AGBL1: variants seen among roughly 807,000 people sequenced by gnomAD.
AGBL1 encodes cytosolic carboxypeptidase 4.
In AGBL1, 130 loss-of-function variants were observed where a neutral mutation model predicts 118.9. The observed-to-expected ratio is 1.09, with a 90% CI of 0.95 to 1.26. The LOEUF is 1.26. AGBL1 is among the 50% of genes most tolerant of loss of function. The pLI is 0.00. For missense variants in AGBL1, 1,584 were observed against 1,298.1 expected, an observed-to-expected ratio of 1.22 and a Z score of -3.38; for synonymous variants, 555 against 478.9, an observed-to-expected ratio of 1.16 and a Z score of -2.08.
At chr15:86,978,363 T>A (rs1191984657) in intron 23 of AGBL1, among the ~76,000 whole-genome samples, 1 of 152,162 alleles carries the variant, frequency 6.6e-6, no homozygotes, top group African/African-American at 2.4e-5. Flanking sequence ...CATATATTAG[T>A]GATGGTCATA....
intron 22 of AGBL1, among the ~76,000 whole-genome samples, chr15:86,905,269 G>A (rs942469099): frequency 6.6e-6 from 1 of 152,206 alleles, no homozygotes; most frequent in Non-Finnish European, 1.5e-5. Flanking sequence ...AGGATGCAAG[G>A]CAGGACATTA....
At chr15:86,659,840 G>C (rs1310151334) in intron 21 of AGBL1, among the ~76,000 whole-genome samples, 1 of 152,140 alleles carries the variant, frequency 6.6e-6, no homozygotes, top group African/African-American at 2.4e-5. Flanking sequence ...TCCCTCCTGA[G>C]CACTTGGGCA....
Position 86,158,952 on chromosome 15 carries a change from G to A in AGBL1, c.414G>A (p.Leu138=), listed in dbSNP as rs917111125. The change falls in exon 5 of 23, where the codon CTG becomes CTA. Residue 138 remains leucine, a synonymous_variant. Transcript: ENST00000614907. ...TCTTAGTCTCCATGGGAGCCATGCT[G>A]GGAATTAATGGAGCCATGGAACTGC... is the stretch of plus-strand genomic sequence containing the variant. ...FASSVSMGAM[L]GINGAMELLF... The A allele has an allele frequency of 3.7e-6, 6 of 1,613,300 alleles. No individual in the cohort carries two copies. The South Asian group carries it at 5.5e-5, about 15-fold the overall frequency.
At chr15:86,496,462 A>G (rs1014642343) in intron 18 of AGBL1, among the ~76,000 whole-genome samples, 2 of 152,070 alleles carry the variant, frequency 1.3e-5, no homozygotes, top group Non-Finnish European at 2.9e-5. Flanking sequence ...GAGATGATAT[A>G]GCTTTTTTAA....
At chr15:86,401,219 G>A (rs1477686630) in intron 18 of AGBL1, among the ~76,000 whole-genome samples, 2 of 152,074 alleles carry the variant, frequency 1.3e-5, no homozygotes, top group Non-Finnish European at 2.9e-5. Flanking sequence ...GTGAAGTTGA[G>A]CATTTTTTTC....
At chr15:86,382,313 CTGTT>C (rs2081123777) in intron 17 of AGBL1, among the ~76,000 whole-genome samples, 1 of 152,190 alleles carries the variant, frequency 6.6e-6, no homozygotes, top group South Asian at 2.1e-4. Context: ...GTCTTTGAGA[CTGTT>C]TGCAAGCAGC....
At chr15:86,600,094 C>G (rs187365957) in intron 21 of AGBL1, among the ~76,000 whole-genome samples, 2 of 152,068 alleles carry the variant, frequency 1.3e-5, no homozygotes, top group Non-Finnish European at 2.9e-5. Context: ...TTGCTTCTTT[C>G]CAGTTATTAC....
At chr15:86,860,578 T>C (rs760701803) in intron 22 of AGBL1, among the ~76,000 whole-genome samples, 11 of 152,096 alleles carry the variant, frequency 7.2e-5, no homozygotes, top group Non-Finnish European at 1.5e-4. Flanking sequence ...CATCCAGACA[T>C]GTTGGTACTA....
At chr15:86,955,614 A>G (rs1470156212) in intron 23 of AGBL1, among the ~76,000 whole-genome samples, 2 of 152,182 alleles carry the variant, frequency 1.3e-5, no homozygotes, top group African/African-American at 4.8e-5. Context: ...ATTAAGAGAA[A>G]AGAAAGATTA....
At chr15:86,852,148 G>T (rs1046433108) in intron 22 of AGBL1, among the ~76,000 whole-genome samples, 3 of 152,112 alleles carry the variant, frequency 2.0e-5, no homozygotes, top group Admixed American at 6.6e-5. Flanking sequence ...GTTCCGCATG[G>T]CTGGAGAGGC....
Position 86,261,176 on chromosome 15 carries a change from A to G in AGBL1, c.970-1602A>G, listed in dbSNP as rs979204782. Among the ~76,000 whole-genome samples, 3 of 152,206 alleles carry G rather than the reference A, an allele frequency of 2.0e-5. No individual in the cohort carries two copies. The East Asian group carries it at 5.8e-4, about 29-fold the overall frequency. ...TGTGGAATGAATTAGGTTGCAGCTCATGGGTTGAATGACTCTCCTCCCTTC... is the reference window on the plus strand; with the variant it reads ...TGTGGAATGAATTAGGTTGCAGCTCGTGGGTTGAATGACTCTCCTCCCTTC... On this transcript the variant is annotated intron_variant, in intron 9 of 22. Transcript: ENST00000614907.
intron 22 of AGBL1, 75 bp downstream of exon 22, chr15:86,674,511 C>T (rs760834936): frequency 2.3e-5 from 34 of 1,455,282 alleles, no homozygotes; most frequent in Non-Finnish European, 3.1e-5. Flanking sequence ...TAATGAAAGT[C>T]GAGTGGACCT....
intron 7 of AGBL1, among the ~76,000 whole-genome samples, chr15:86,249,139 G>A (rs1211818079): frequency 1.3e-5 from 2 of 152,074 alleles, no homozygotes; most frequent in African/African-American, 4.8e-5. Context: ...CTCCTTATTG[G>A]TGATATAAGT....
intron 23 of AGBL1, among the ~76,000 whole-genome samples, chr15:86,950,504 A>C (rs2141669726): frequency 6.7e-6 from 1 of 149,802 alleles, no homozygotes; most frequent in South Asian, 2.1e-4. Context: ...AAAAGCAGTA[A>C]CCAAAAAGAA....
intron 22 of AGBL1, among the ~76,000 whole-genome samples, chr15:86,854,973 C>T (rs1435789384): frequency 6.6e-6 from 1 of 152,158 alleles, no homozygotes; most frequent in Non-Finnish European, 1.5e-5. Context: ...CACCCCCCCA[C>T]TGGTCCTAGT....
At chr15:86,281,396 A>C (rs967584138) in intron 16 of AGBL1, among the ~76,000 whole-genome samples, 1 of 152,076 alleles carries the variant, frequency 6.6e-6, no homozygotes, top group Non-Finnish European at 1.5e-5. Context: ...AACAAAACCA[A>C]AAGCAGAAAC....
intron 21 of AGBL1, among the ~76,000 whole-genome samples, chr15:86,625,215 T>C (rs1415999342): frequency 6.6e-6 from 1 of 152,140 alleles, no homozygotes; most frequent in African/African-American, 2.4e-5. Flanking sequence ...TCCACAGAGA[T>C]GGGCCTCAGT....
chr15:86,342,033 G>C (rs1314861042), intron 17 of AGBL1, among the ~76,000 whole-genome samples: 12 of 152,184 alleles, frequency 7.9e-5, no homozygotes, highest in Non-Finnish European at 1.6e-4. Flanking sequence ...CAGTGGGCTA[G>C]TGTTCTCCTC....
At chr15:86,865,624 C>T (rs910012493) in intron 22 of AGBL1, among the ~76,000 whole-genome samples, 3 of 152,214 alleles carry the variant, frequency 2.0e-5, no homozygotes, top group Admixed American at 1.3e-4. Context: ...AATCCCATGT[C>T]TGCAGAGCTA....
Sources: allele counts gnomAD v4.1 joint callset (sites outside exome capture counted in the v4.1 genomes callset), GRCh38; gene constraint gnomAD v4.1.1; transcripts MANE v1.5; gene names NCBI Gene and HGNC (gene_info 2026-07-23, HGNC 2026-07-21).